The following TP63 variants were observed in gnomAD, a reference collection of about 807,000 sequenced individuals.
TP63 encodes tumor protein 63.
A neutral mutation model predicts 82.8 loss-of-function variants in TP63; 17 were observed. The observed-to-expected ratio is 0.21, with a 90% confidence interval of 0.14 to 0.31. The LOEUF is 0.31. Ranked by LOEUF, TP63 falls within the 10% of genes least tolerant of loss-of-function variation. The pLI, the probability that TP63 is intolerant of heterozygous loss-of-function variation, is 1.00. For missense variants in TP63, 648 were observed against 895.3 expected (o/e 0.72, Z 3.52); for synonymous variants, 330 against 321.7 (o/e 1.03, Z -0.28).
At chr3:189,612,909 T>C in the TP63 span, among the ~76,000 whole-genome samples, 1 of 152,240 alleles carries the variant, frequency 6.6e-6, no homozygotes, top group African/African-American at 2.4e-5. Context: ...CAATTTAGGG[T>C]ATTTGGCAGA....
At chr3:189,676,927 C>G (rs570703976) in intron 1 of TP63, among the ~76,000 whole-genome samples, 1 of 152,000 alleles carries the variant, frequency 6.6e-6, no homozygotes, top group Non-Finnish European at 1.5e-5. Context: ...AAGGTTTGGA[C>G]TCCTGGTATA....
chr3:189,794,775 A>G lies in TP63; in HGVS notation c.325-13497A>G, dbSNP rs1576972994. Among the ~76,000 whole-genome samples the G allele has an allele frequency of 4.6e-5, 7 of 152,126 alleles. No homozygotes were observed. The South Asian group carries it at 1.5e-3, about 32-fold the overall frequency. ...GAGCTCTACTAGAGAGCACAGGGAG[A>G]ATAAATGGCTTTGCTTGAGATTGCC... On this transcript the variant is annotated intron_variant, in intron 3 of 13. Coordinates refer to ENST00000264731, the MANE Select transcript of TP63 (RefSeq NM_003722.5).
chr3:189,894,696 T>A lies in TP63; in HGVS notation c.*194T>A. 1.5e-6 allele frequency: 1 copy of A among 684,414 alleles called. No individual in the cohort carries two copies. Among genetic ancestry groups the A allele is most frequent in the Non-Finnish European group, 2.4e-6 (1 of 414,686 alleles). 42.4% of individuals were successfully genotyped at this position (684,414 alleles called of 1,614,324 possible). A position where few individuals can be genotyped will look rare whatever the true frequency, so the allele number is the denominator to read the frequency against. On this transcript the variant is annotated 3_prime_UTR_variant, in exon 14 of 14. Coordinates refer to ENST00000264731, the MANE Select transcript of TP63 (RefSeq NM_003722.5). ...CTAATTCTGATTCTGGCTTTAAGCCTTCAAAACTATAGCTTGCAGAACTGT... is the reference window on the plus strand; with the variant it reads ...CTAATTCTGATTCTGGCTTTAAGCCATCAAAACTATAGCTTGCAGAACTGT...
Position 189,895,651 on chromosome 3 carries a change from T to A in TP63, c.*1149T>A, listed in dbSNP as rs1721410837. Reference sequence around the variant, plus strand: ...TCTCAATGAACCATAAATTCAACTTTGTAAAAATCTTTTGAAGCATAGATA... The same window carrying A: ...TCTCAATGAACCATAAATTCAACTTAGTAAAAATCTTTTGAAGCATAGATA... On this transcript the variant is annotated 3_prime_UTR_variant, in exon 14 of 14. Coordinates refer to ENST00000264731, the MANE Select transcript of TP63 (RefSeq NM_003722.5). 1 of 227,218 alleles carries A rather than the reference T, an allele frequency of 4.4e-6. No homozygotes were observed. The highest frequency in any genetic ancestry group is 2.2e-5 in the African/African-American group (1 of 45,062). 14.1% of individuals were successfully genotyped at this position (227,218 alleles called of 1,614,324 possible). A position where few individuals can be genotyped will look rare whatever the true frequency, so the allele number is the denominator to read the frequency against.
intron 1 of TP63, among the ~76,000 whole-genome samples, chr3:189,653,620 A>T (rs564519079): frequency 6.6e-6 from 1 of 152,272 alleles, no homozygotes; most frequent in African/African-American, 2.4e-5. Flanking sequence ...AAATTTTAGT[A>T]CCTGCTTTTG....
intron 1 of TP63, among the ~76,000 whole-genome samples, chr3:189,658,257 A>G (rs34729753): frequency 0.11 from 17,428 of 152,080 alleles, 1,351 homozygotes; most frequent in East Asian, 0.38. Context: ...ATGATTCCAC[A>G]CTAATATGAA....
At chr3:189,851,758 G>A (rs923597169) in intron 4 of TP63, among the ~76,000 whole-genome samples, 3 of 152,050 alleles carry the variant, frequency 2.0e-5, no homozygotes, top group African/African-American at 4.8e-5. Flanking sequence ...AAATGGCCAA[G>A]CAGGCAGACT....
chr3:189,606,106 A>G, the TP63 span, among the ~76,000 whole-genome samples: 12 of 152,244 alleles, frequency 7.9e-5, no homozygotes, highest in African/African-American at 2.9e-4. Flanking sequence ...GGTAGAGGAA[A>G]GAAACATTGC....
intron 1 of TP63, among the ~76,000 whole-genome samples, chr3:189,666,364 T>G (rs1714390756): frequency 6.6e-6 from 1 of 152,080 alleles, no homozygotes; most frequent in Non-Finnish European, 1.5e-5. Context: ...CTGAGATTGG[T>G]TACACAAAAG....
At position 189,858,338 on chromosome 3, in the gene TP63, G is replaced by A. The variant is rs1164470605; in HGVS notation, c.580-5894G>A. Among the ~76,000 whole-genome samples, 2 of 17,712 alleles carry A rather than the reference G, an allele frequency of 1.1e-4. 1 individual carries two copies. The highest frequency in any genetic ancestry group is 6.1e-4 in the Admixed American group (2 of 3,304). 11.6% of individuals were successfully genotyped at this position (17,712 alleles called of 152,430 possible). ...GAGAATGGCGTGAACCCCAGGGGGC[G>A]GAGCCTGCAGTGAGCCGAGATTGCG... On this transcript the variant is annotated intron_variant, in intron 4 of 13. Coordinates refer to ENST00000264731, the MANE Select transcript of TP63 (RefSeq NM_003722.5).
chr3:189,611,751 A>G, the TP63 span, among the ~76,000 whole-genome samples: 6 of 152,164 alleles, frequency 3.9e-5, no homozygotes, highest in South Asian at 2.1e-4. Flanking sequence ...GATTCTTTCT[A>G]TTTATCACCA....
chr3:189,835,642 G>A (rs767653098), intron 4 of TP63, among the ~76,000 whole-genome samples: 37 of 151,776 alleles, frequency 2.4e-4, no homozygotes, highest in Middle Eastern at 6.8e-3. Flanking sequence ...TGGGGAAGGC[G>A]GCTGGGTGCA....
chr3:189,632,625 TAAAAA>T (rs1010944434), intron 1 of TP63, among the ~76,000 whole-genome samples: 3 of 151,846 alleles, frequency 2.0e-5, no homozygotes, highest in Non-Finnish European at 4.4e-5. Context: ...ATAAAGGAGA[TAAAAA>T]GAAAAGGGTG....
intron 3 of TP63, among the ~76,000 whole-genome samples, chr3:189,804,371 C>T (rs1253178157): frequency 6.6e-6 from 1 of 152,228 alleles, no homozygotes; most frequent in African/African-American, 2.4e-5. Context: ...CAATTGGTCA[C>T]ACAGGGCCCT....
intron 4 of TP63, among the ~76,000 whole-genome samples, chr3:189,815,002 C>CAAAAA (rs34199817): frequency 6.6e-6 from 1 of 151,754 alleles, no homozygotes; most frequent in Non-Finnish European, 1.5e-5. Flanking sequence ...TTTCCTACTA[C>CAAAAA]AAAGAGTAAC....
rs530763234 is a variant in TP63, at chr3:189,701,851, A to C, written c.63-35889A>C. 2.0e-5 allele frequency among the ~76,000 whole-genome samples: 3 copies of C among 152,250 alleles called. No individual in the cohort carries two copies. In the South Asian group the frequency reaches 6.2e-4, roughly 32 times the overall value. On this transcript the variant is annotated intron_variant, in intron 1 of 13. Coordinates refer to ENST00000264731, the MANE Select transcript of TP63 (RefSeq NM_003722.5). ...GCCCACGGTCATGTTCAGTACAATT[A>C]GTTGAGTGTATTCTTCAAATCTGAA...
chr3:189,604,660 T>C, the TP63 span, among the ~76,000 whole-genome samples: 10 of 152,186 alleles, frequency 6.6e-5, no homozygotes, highest in South Asian at 1.2e-3. Context: ...GTTTGCAAGG[T>C]TTAGGTTGCC....
chr3:189,846,351 A>G (rs1714863585), intron 4 of TP63, among the ~76,000 whole-genome samples: 5 of 152,122 alleles, frequency 3.3e-5, no homozygotes, highest in Admixed American at 3.3e-4. Flanking sequence ...AGTTTAGTTC[A>G]TTTGTTAGTT....
chr3:189,598,705 A>G, the TP63 span, among the ~76,000 whole-genome samples: 1 of 152,380 alleles, frequency 6.6e-6, no homozygotes, highest in South Asian at 2.1e-4. Flanking sequence ...GGACTAAACT[A>G]GAATTCCAGA....
Sources: allele counts gnomAD v4.1 joint callset (sites outside exome capture counted in the v4.1 genomes callset), GRCh38; gene constraint gnomAD v4.1.1; transcripts MANE v1.5; gene names NCBI Gene and HGNC (gene_info 2026-07-23, HGNC 2026-07-21).